COX10: variants seen among roughly 807,000 people sequenced by gnomAD.
The protein encoded by COX10 is cytochrome c oxidase assembly factor heme A:farnesyltransferase COX10.
In COX10, 27 loss-of-function variants were observed where a neutral mutation model predicts 37.3. That is an observed-to-expected ratio of 0.72 (90% CI 0.53 to 1.00). The LOEUF (loss-of-function observed/expected upper bound fraction) is 1.00, where lower values mean the gene tolerates loss of function less well. COX10 is among the 50% of genes least tolerant of loss of function. COX10 has a pLI of 0.00. For missense variants in COX10, 475 were observed against 563.2 expected, an observed-to-expected ratio of 0.84 and a Z score of 1.59; for synonymous variants, 222 against 229.1, an observed-to-expected ratio of 0.97 and a Z score of 0.28.
At chr17:14,172,555 G>A (rs770154060) in intron 5 of COX10, among the ~76,000 whole-genome samples, 1 of 147,416 alleles carries the variant, frequency 6.8e-6, no homozygotes, top group Admixed American at 6.8e-5. Context: ...TTGGCTATTC[G>A]TATGTCTTCT....
At chr17:14,081,097 G>A (rs1005238365) in intron 3 of COX10, among the ~76,000 whole-genome samples, 2 of 152,152 alleles carry the variant, frequency 1.3e-5, no homozygotes, top group African/African-American at 2.4e-5. Flanking sequence ...ACACAACCAC[G>A]CCCACTTGTT....
chr17:14,107,948 A>C (rs906192805), intron 4 of COX10, among the ~76,000 whole-genome samples: 1 of 152,126 alleles, frequency 6.6e-6, no homozygotes, highest in East Asian at 1.9e-4. Context: ...TAGTTCTGCT[A>C]TGTGGAAAAA....
intron 6 of COX10, among the ~76,000 whole-genome samples, chr17:14,204,349 C>A: frequency 6.6e-6 from 1 of 151,892 alleles, no homozygotes; most frequent in Non-Finnish European, 1.5e-5. Context: ...CACCCAAGGT[C>A]ACACTAATGA....
At chr17:14,127,846 T>C (rs563200125) in intron 4 of COX10, among the ~76,000 whole-genome samples, 2 of 152,212 alleles carry the variant, frequency 1.3e-5, no homozygotes, top group South Asian at 4.1e-4. Flanking sequence ...ACATCAAAGT[T>C]AGCACCACCT....
intron 6 of COX10, among the ~76,000 whole-genome samples, chr17:14,205,837 A>G (rs1359551070): frequency 6.6e-6 from 1 of 152,080 alleles, no homozygotes; most frequent in Non-Finnish European, 1.5e-5. Context: ...GGGGCAAACT[A>G]TGAGAGTAGG....
intron 1 of COX10, among the ~76,000 whole-genome samples, chr17:14,072,961 T>A (rs1298091503): frequency 6.6e-6 from 1 of 152,192 alleles, no homozygotes; most frequent in Non-Finnish European, 1.5e-5. Flanking sequence ...CAACATGGCA[T>A]AAAGTGATAG....
intron 3 of COX10, among the ~76,000 whole-genome samples, chr17:14,098,261 T>C (rs139750395): frequency 3.6e-4 from 55 of 152,302 alleles, no homozygotes; most frequent in African/African-American, 1.3e-3. Context: ...TTACTTAGTT[T>C]GATTTTAAGA....
At chr17:14,077,446 CT>C in intron 3 of COX10, 1 of 241,242 alleles carries the variant, frequency 4.1e-6, no homozygotes, top group East Asian at 1.2e-4. Context: ...ACAGTGGCCA[CT>C]GAGTCTCCCA....
At chr17:14,156,991 C>T (rs113029165) in intron 4 of COX10, among the ~76,000 whole-genome samples, 116 of 152,300 alleles carry the variant, frequency 7.6e-4, no homozygotes, top group Middle Eastern at 3.4e-3. Flanking sequence ...GGCTCTGCTG[C>T]TGTGTAAAAG....
At chr17:14,153,147 C>G (rs1174351123) in intron 4 of COX10, among the ~76,000 whole-genome samples, 3 of 152,222 alleles carry the variant, frequency 2.0e-5, no homozygotes, top group African/African-American at 7.2e-5. Context: ...ATGGTTCACC[C>G]TTGTCAGCTT....
chr17:14,204,979 C>T (rs917308), intron 6 of COX10, among the ~76,000 whole-genome samples: 107,021 of 151,662 alleles, frequency 0.71, 38,521 homozygotes, highest in Non-Finnish European at 0.79. Flanking sequence ...TGGTGACGTG[C>T]ACCTATAGTG....
intron 1 of COX10, 73 bp downstream of exon 1, chr17:14,069,721 G>C: frequency 1.3e-6 from 2 of 1,591,142 alleles, no homozygotes; most frequent in Non-Finnish European, 1.7e-6. Flanking sequence ...CCGTGGTTCC[G>C]GCTGGCTGCA....
intron 4 of COX10, among the ~76,000 whole-genome samples, chr17:14,103,309 G>T (rs149119662): frequency 6.6e-6 from 1 of 152,008 alleles, no homozygotes; most frequent in East Asian, 1.9e-4. Flanking sequence ...ATGAAAATGC[G>T]AATGAAAAGC....
intron 4 of COX10, among the ~76,000 whole-genome samples, chr17:14,130,505 G>T (rs1292063011): frequency 8.3e-6 from 1 of 119,972 alleles, no homozygotes; most frequent in Admixed American, 9.3e-5. Context: ...TACTTATTAG[G>T]TGTTTGGCTT....
intron 4 of COX10, among the ~76,000 whole-genome samples, chr17:14,140,804 G>A (rs1412673199): frequency 2.6e-5 from 4 of 152,028 alleles, no homozygotes; most frequent in Non-Finnish European, 1.5e-5. Flanking sequence ...TAATTGCAAC[G>A]TTATGTCTGA....
At chr17:14,197,746 C>T (rs1169430260) in intron 6 of COX10, among the ~76,000 whole-genome samples, 1 of 152,234 alleles carries the variant, frequency 6.6e-6, no homozygotes, top group East Asian at 1.9e-4. Flanking sequence ...CCAGTGCTTG[C>T]TACAGAGAGT....
At position 14,207,208 on chromosome 17, in the gene COX10, A is replaced by G. The variant is rs1264587193; in HGVS notation, c.1327A>G (p.Ser443Gly). 1.3e-6 allele frequency: 2 copies of G among 1,590,484 alleles called. No homozygotes were observed. Among genetic ancestry groups the G allele is most frequent in the East Asian group, 4.5e-5 (2 of 44,666 alleles). ...SGGGDAGPPP[S>G] ...AGGCGGGGACGCAGGGCCCCCTCCC[A>G]GCTGAGAGCACTGGGACGCCCACCG... Residue 443 changes from serine (S) to glycine (G), a missense_variant, in exon 7 of 7, where the codon AGC becomes GGC. Ser to Gly is a moderately conservative substitution (Grantham distance 56). This residue lies in a region of COX10 where 160 missense variants were observed against 180.6 expected (regional missense o/e 0.89). Transcript: ENST00000261643.
chr17:14,197,569 T>C (rs1299725308), intron 6 of COX10, among the ~76,000 whole-genome samples: 1 of 152,106 alleles, frequency 6.6e-6, no homozygotes, highest in African/African-American at 2.4e-5. Context: ...CAGCATGGGG[T>C]AAGTGAGGTA....
At chr17:14,069,762 G>C in intron 1 of COX10, 114 bp downstream of exon 1, 1 of 1,295,664 alleles carries the variant, frequency 7.7e-7, no homozygotes, top group South Asian at 1.2e-5. Flanking sequence ...AGGTTGGCCG[G>C]CCACCGGTGT....
Sources: allele counts gnomAD v4.1 joint callset (sites outside exome capture counted in the v4.1 genomes callset), GRCh38; gene constraint gnomAD v4.1.1; regional missense constraint gnomAD v4.1.1; transcripts MANE v1.5; gene names NCBI Gene and HGNC (gene_info 2026-07-23, HGNC 2026-07-21).